PIK3CD: variants seen among roughly 807,000 people sequenced by gnomAD.
PIK3CD encodes phosphatidylinositol-4,5-bisphosphate 3-kinase catalytic subunit delta.
In PIK3CD, 20 loss-of-function variants were observed where a neutral mutation model predicts 122.9. That is an observed-to-expected ratio of 0.16 (90% CI 0.11 to 0.24). The LOEUF (loss-of-function observed/expected upper bound fraction) is 0.24, where lower values mean the gene tolerates loss of function less well. Among genes scored for constraint, PIK3CD ranks in the 10% least tolerant of loss-of-function variants. The pLI, the probability that PIK3CD is intolerant of heterozygous loss-of-function variation, is 1.00. For synonymous variants in PIK3CD, 596 were observed against 593.4 expected, an observed-to-expected ratio of 1.00 and a Z score of -0.06; for missense variants, 787 against 1,406.3, an observed-to-expected ratio of 0.56 and a Z score of 7.04.
intron 1 of PIK3CD, among the ~76,000 whole-genome samples, chr1:9,664,982 T>G (rs1007415817): frequency 4.6e-5 from 7 of 151,864 alleles, no homozygotes; most frequent in Admixed American, 3.9e-4. Flanking sequence ...ATGGGAAGAT[T>G]GCTAGAGCCC....
At chr1:9,658,521 ATTTTTTTTTTT>A (rs1165670404) in intron 1 of PIK3CD, among the ~76,000 whole-genome samples, 3 of 91,176 alleles carry the variant, frequency 3.3e-5, no homozygotes, top group African/African-American at 1.6e-4. Context: ...TCCCAGCCAC[ATTTTTTTTTTT>A]TTTTTTTTTT....
intron 1 of PIK3CD, chr1:9,654,486 A>AGCCCCCAG: frequency 8.0e-7 from 1 of 1,245,038 alleles, no homozygotes; most frequent in South Asian, 1.2e-5. Flanking sequence ...GGTTGTGCGA[A>AGCCCCCAG]AGCCAGCCCG....
chr1:9,645,553 TC>T, the PIK3CD span, among the ~76,000 whole-genome samples: 2 of 151,456 alleles, frequency 1.3e-5, no homozygotes, highest in Admixed American at 6.6e-5. Context: ...TTCTCCTGCC[TC>T]AGTCTCCCAA....
intron 1 of PIK3CD, among the ~76,000 whole-genome samples, chr1:9,686,449 A>C (rs1570226255): frequency 6.9e-6 from 1 of 145,028 alleles, no homozygotes; most frequent in African/African-American, 2.6e-5. Context: ...TGATCCTCCC[A>C]CCTCGGCCTC....
Position 9,728,926 on chromosome 1 carries a change from GC to G in PIK3CD, c.*1882del. 1 of 152,336 alleles carries G rather than the reference GC, an allele frequency of 6.6e-6. No individual in the cohort carries two copies. Among genetic ancestry groups the G allele is most frequent in the African/African-American group, 2.4e-5 (1 of 41,576 alleles). 9.4% of individuals were successfully genotyped at this position (152,336 alleles called of 1,614,324 possible). ...AAAGGCAGATGAAAAGAAAGAAAAAGCCTTTTTATGTTCTTTTATGTTCTCG... is the reference window on the plus strand; with the variant it reads ...AAAGGCAGATGAAAAGAAAGAAAAAGCTTTTTATGTTCTTTTATGTTCTCG... On this transcript the variant is annotated 3_prime_UTR_variant, in exon 24 of 24. Transcript: ENST00000377346.
chr1:9,648,405 G>A (rs1265552582), upstream of PIK3CD, among the ~76,000 whole-genome samples: 3 of 152,130 alleles, frequency 2.0e-5, no homozygotes, highest in East Asian at 1.9e-4. Flanking sequence ...AAAACCATTC[G>A]TCATCTGGCT....
upstream of PIK3CD, among the ~76,000 whole-genome samples, chr1:9,650,288 G>A (rs1644647992): frequency 6.6e-6 from 1 of 152,134 alleles, no homozygotes; most frequent in African/African-American, 2.4e-5. Context: ...CAGGCACGGT[G>A]GTGTGCACCT....
intron 1 of PIK3CD, among the ~76,000 whole-genome samples, chr1:9,687,836 C>A (rs1334900070): frequency 6.6e-6 from 1 of 152,208 alleles, no homozygotes; most frequent in African/African-American, 2.4e-5. Flanking sequence ...CTTCTAGGGA[C>A]GGCCAGGGAA....
At chr1:9,721,885 G>C in intron 16 of PIK3CD, 25 bp downstream of exon 16, 1 of 1,611,766 alleles carries the variant, frequency 6.2e-7, no homozygotes. Flanking sequence ...CCTGGGGGGC[G>C]GGCAGGGGGC....
Position 9,717,237 on chromosome 1 carries a change from C to A in PIK3CD, c.930+129C>A. 8.2e-7 allele frequency: 1 copy of A among 1,219,584 alleles called. No individual in the cohort carries two copies. Among genetic ancestry groups the A allele is most frequent in the Non-Finnish European group, 1.2e-6 (1 of 845,172 alleles). The allele number at this position is 1,219,584 out of a possible 1,614,324, so 75.5% of individuals were successfully genotyped here. A position where few individuals can be genotyped will look rare whatever the true frequency, so the allele number is the denominator to read the frequency against. On this transcript the variant is annotated intron_variant, in intron 7 of 23. Transcript: ENST00000377346. The surrounding 1 kb of genome is among the most constrained non-coding windows in gnomAD (Gnocchi z 5.4). ...GAGCTGGGGCTTTGAGCTGGGGAAG[C>A]CAACACAGCTGACCAGCGTCCTGGG... is the stretch of plus-strand genomic sequence containing the variant.
chr1:9,638,370 C>T, the PIK3CD span, among the ~76,000 whole-genome samples: 1 of 152,004 alleles, frequency 6.6e-6, no homozygotes, highest in Non-Finnish European at 1.5e-5. Flanking sequence ...CTCATGCCTC[C>T]CTCACCTCCC....
At chr1:9,705,554 A>C (rs1487667922) in intron 2 of PIK3CD, among the ~76,000 whole-genome samples, 8 of 152,078 alleles carry the variant, frequency 5.3e-5, no homozygotes, top group Admixed American at 2.6e-4. Context: ...AAAAGACACC[A>C]TAAGCAAAGC....
In PIK3CD at chr1:9,722,043, G is replaced by A. The variant is rs748403020; in HGVS notation, c.2124G>A (p.Lys708=). 3.7e-6 allele frequency: 6 copies of A among 1,613,704 alleles called. No individual in the cohort carries two copies. Among genetic ancestry groups the A allele is most frequent in the Admixed American group, 3.3e-5 (2 of 60,030 alleles). ...AGCTGAGCTCTCAGAAGACCCCCAA[G>A]CCCCAGACCAAGGAGCTGATGCACT... ...FVKLSSQKTP[K]PQTKELMHLC... The change falls in exon 17 of 24, where the codon AAG becomes AAA. Residue 708 remains lysine (K), a synonymous_variant. Coordinates refer to ENST00000377346, the MANE Select transcript of PIK3CD (RefSeq NM_005026.5). This position sits in a 1 kb window ranked among gnomAD's most constrained non-coding sequence, Gnocchi z 7.6.
At chr1:9,706,731 T>C (rs557502063) in intron 2 of PIK3CD, among the ~76,000 whole-genome samples, 1 of 152,316 alleles carries the variant, frequency 6.6e-6, no homozygotes, top group East Asian at 1.9e-4. Flanking sequence ...GTGGCTATAT[T>C]GGGTTAAATA....
At chr1:9,725,583 A>G (rs1649410529) in intron 23 of PIK3CD, among the ~76,000 whole-genome samples, 1 of 150,370 alleles carries the variant, frequency 6.7e-6, no homozygotes, top group Admixed American at 6.6e-5. Context: ...ATAATAAAAA[A>G]AGATATTTTT....
the PIK3CD span, among the ~76,000 whole-genome samples, chr1:9,636,566 C>T: frequency 3.9e-5 from 6 of 152,208 alleles, no homozygotes; most frequent in African/African-American, 1.4e-4. Flanking sequence ...TTGTCATTTT[C>T]AGTGGCTGCT....
At chr1:9,634,626 G>A in the PIK3CD span, among the ~76,000 whole-genome samples, 1 of 152,148 alleles carries the variant, frequency 6.6e-6, no homozygotes, top group East Asian at 1.9e-4. Context: ...TTCAGCCTTT[G>A]AGTCCCATGA....
chr1:9,677,050 T>G (rs1384304770), intron 1 of PIK3CD, among the ~76,000 whole-genome samples: 2 of 152,152 alleles, frequency 1.3e-5, no homozygotes, highest in African/African-American at 4.8e-5. Flanking sequence ...TCCTCTTTGG[T>G]TCAGAGCTTA....
rs1469618469 is a variant in PIK3CD at position 9,720,114 on chromosome 1, G to C, written c.1342G>C (p.Glu448Gln). 6.2e-7 allele frequency: 1 copy of C among 1,613,308 alleles called. No individual in the cohort carries two copies. Among genetic ancestry groups the C allele is most frequent in the Admixed American group, 1.7e-5 (1 of 60,026 alleles). ...CLYMWPSVPD[E>Q]KGELLNPTGT... Reference sequence around the variant, plus strand: ...ACTTCATCTGCCCCTGTGTTCAGATGAGAAGGGCGAGCTGCTGAACCCCAC... The same window carrying C: ...ACTTCATCTGCCCCTGTGTTCAGATCAGAAGGGCGAGCTGCTGAACCCCAC... Residue 448 changes from glutamate (E) to glutamine (Q), a missense_variant and splice_region_variant, in exon 11 of 24, where the codon GAG becomes CAG. Glu to Gln is a conservative substitution (Grantham distance 29, BLOSUM62 2). Around this residue, in one of 6 missense-constraint regions of PIK3CD, gnomAD observed 592 missense variants for 920.6 expected, o/e 0.64. Coordinates refer to ENST00000377346, the MANE Select transcript of PIK3CD (RefSeq NM_005026.5). The surrounding 1 kb of genome is among the most constrained non-coding windows in gnomAD (Gnocchi z 9.0).
Sources: gnomAD v4.1 joint callset for allele counts (sites outside exome capture counted in the v4.1 genomes callset) on GRCh38, gnomAD v4.1.1 for gene constraint, gnomAD v4.1.1 regional missense constraint, Gnocchi (gnomAD v3.1) non-coding constraint, MANE v1.5 for transcripts, NCBI Gene and HGNC (gene_info 2026-07-23, HGNC 2026-07-21) for gene names.